Variants in PLCL1 observed in about 807,000 individuals in gnomAD.
The protein encoded by PLCL1 is phospholipase C like 1 (inactive).
Under a neutral mutation model 84.4 loss-of-function variants are expected in PLCL1, and 41 were observed. The observed-to-expected ratio is 0.49, with a 90% confidence interval of 0.38 to 0.63. The LOEUF (loss-of-function observed/expected upper bound fraction) is 0.63, where lower values mean the gene tolerates loss of function less well. Ranked by LOEUF, PLCL1 falls within the 30% of genes least tolerant of loss-of-function variation. The pLI is 0.00. For missense variants in PLCL1, 1,206 were observed against 1,367.8 expected (o/e 0.88, Z 1.87); for synonymous variants, 490 against 488.3 (o/e 1.00, Z -0.05).
intron 1 of PLCL1, among the ~76,000 whole-genome samples, chr2:197,948,509 A>ATT (rs976906121): frequency 6.8e-6 from 1 of 146,522 alleles, no homozygotes; most frequent in East Asian, 2.0e-4. Context: ...GTGTGGCTTA[A>ATT]TTTTTTTTTT....
chr2:197,881,746 T>G lies in PLCL1; in HGVS notation c.240+76407T>G, dbSNP rs147912103. Among the ~76,000 whole-genome samples the G allele has an allele frequency of 3.6e-3, 543 of 152,220 alleles. 4 individuals are homozygous for G. The highest frequency in any genetic ancestry group is 0.012 in the African/African-American group (486 of 41,530). On this transcript the variant is annotated intron_variant, in intron 1 of 5. Transcript: ENST00000428675. ...CTTTTTGGTGTGTGTTTTAAAAAACTTTTTATTATAGATAACTTTGACCAC... is the reference window on the plus strand; with the variant it reads ...CTTTTTGGTGTGTGTTTTAAAAAACGTTTTATTATAGATAACTTTGACCAC...
rs187406100 is a variant in PLCL1 at position 197,975,835 on chromosome 2, A to G, written c.241-107923A>G. Among the ~76,000 whole-genome samples, 9 of 152,022 alleles carry G rather than the reference A, an allele frequency of 5.9e-5. No homozygotes were observed. The East Asian group carries it at 1.6e-3, about 26-fold the overall frequency. The stretch of plus-strand genomic sequence containing the variant: ...TTCACCCCCATCCAACAACAACAAC[A>G]ACGACAACAGAAAAAACAGAAAAAA... On this transcript the variant is annotated intron_variant, in intron 1 of 5. Coordinates refer to ENST00000428675, the MANE Select transcript of PLCL1 (RefSeq NM_006226.4).
intron 3 of PLCL1, among the ~76,000 whole-genome samples, chr2:198,096,362 A>C (rs889379722): frequency 3.9e-5 from 6 of 152,182 alleles, no homozygotes; most frequent in Non-Finnish European, 8.8e-5. Context: ...TGAAAGAAAA[A>C]TATTATCTGA....
At chr2:198,052,865 C>G (rs1397039171) in intron 1 of PLCL1, among the ~76,000 whole-genome samples, 1 of 152,170 alleles carries the variant, frequency 6.6e-6, no homozygotes, top group Admixed American at 6.5e-5. Context: ...GTACCTCCCC[C>G]TTCATTCCTA....
At chr2:197,938,355 A>T (rs1200996918) in intron 1 of PLCL1, among the ~76,000 whole-genome samples, 1 of 152,204 alleles carries the variant, frequency 6.6e-6, no homozygotes, top group Non-Finnish European at 1.5e-5. Flanking sequence ...TGTATCTTCC[A>T]TAAGAGTTTC....
intron 1 of PLCL1, among the ~76,000 whole-genome samples, chr2:197,927,772 T>C (rs1158348975): frequency 6.6e-6 from 1 of 152,168 alleles, no homozygotes; most frequent in African/African-American, 2.4e-5. Context: ...GATACTAAGA[T>C]GAAATAATTT....
intron 1 of PLCL1, among the ~76,000 whole-genome samples, chr2:198,041,905 T>C (rs912916209): frequency 1.3e-5 from 2 of 152,176 alleles, no homozygotes; most frequent in African/African-American, 4.8e-5. Context: ...AAAATCGGTA[T>C]GCAAGAGAAA....
At position 198,140,244 on chromosome 2, in the gene PLCL1, C is replaced by T. The variant is rs17672571; in HGVS notation, c.3106-6536C>T. Among the ~76,000 whole-genome samples the T allele has an allele frequency of 1.3e-3, 200 of 152,206 alleles. 1 individual carries two copies. The highest frequency in any genetic ancestry group is 6.8e-3 in the Middle Eastern group (2 of 294). ...AGATGTTTTCCACCAGTAACAGGAC[C>T]TATTGTCAGCATTGTTGCCACTGGA... On this transcript the variant is annotated intron_variant, in intron 5 of 5. Coordinates refer to ENST00000428675, the MANE Select transcript of PLCL1 (RefSeq NM_006226.4).
rs187267351 is a variant in PLCL1 at position 198,080,317 on chromosome 2, T to A, written c.241-3441T>A. ...CATTCAATCATCATCATCATAATTA[T>A]GTTTTGTATTTACCAAGAAGGAAAA... On this transcript the variant is annotated intron_variant, in intron 1 of 5. Transcript: ENST00000428675. Among the ~76,000 whole-genome samples, 11 of 152,354 alleles carry A rather than the reference T, an allele frequency of 7.2e-5. No homozygotes were observed. The East Asian group carries it at 1.2e-3, about 16-fold the overall frequency.
Position 197,805,496 on chromosome 2 carries a change from A to T in PLCL1, c.240+157A>T, listed in dbSNP as rs1166728155. 1.3e-5 allele frequency among the ~76,000 whole-genome samples: 2 copies of T among 152,182 alleles called. No individual in the cohort carries two copies. The highest frequency in any genetic ancestry group is 2.9e-5 in the Non-Finnish European group (2 of 68,018). On this transcript the variant is annotated intron_variant, in intron 1 of 5. Transcript: ENST00000428675. The surrounding 1 kb of genome is among the most constrained non-coding windows in gnomAD (Gnocchi z 4.0). ...CTTCCTTCCTTATCCGGAGGTTCCCAGACTCAGCTGTCAGCCACGAGACGC... is the reference window on the plus strand; with the variant it reads ...CTTCCTTCCTTATCCGGAGGTTCCCTGACTCAGCTGTCAGCCACGAGACGC...
intron 1 of PLCL1, among the ~76,000 whole-genome samples, chr2:198,028,873 C>T (rs1282984176): frequency 3.9e-5 from 6 of 152,084 alleles, no homozygotes; most frequent in Non-Finnish European, 8.8e-5. Context: ...CCCCCACTTT[C>T]TGTTTTTTAC....
intron 1 of PLCL1, among the ~76,000 whole-genome samples, chr2:198,016,150 T>G (rs955030139): frequency 3.9e-5 from 6 of 152,122 alleles, no homozygotes; most frequent in Non-Finnish European, 7.4e-5. Flanking sequence ...GAGGGACAGA[T>G]GAATGGATCT....
intron 1 of PLCL1, among the ~76,000 whole-genome samples, chr2:197,991,125 G>A (rs936545456): frequency 1.6e-4 from 24 of 152,040 alleles, no homozygotes; most frequent in Non-Finnish European, 3.2e-4. Context: ...TGGTGAAGTC[G>A]GGCATCATCC....
intron 1 of PLCL1, among the ~76,000 whole-genome samples, chr2:198,043,057 T>A (rs1290450312): frequency 6.6e-6 from 1 of 152,056 alleles, no homozygotes; most frequent in Non-Finnish European, 1.5e-5. Flanking sequence ...TCTGAGCAGT[T>A]AAGTGGGAAG....
At chr2:197,865,158 A>G (rs771640521) in intron 1 of PLCL1, among the ~76,000 whole-genome samples, 2 of 152,178 alleles carry the variant, frequency 1.3e-5, no homozygotes, top group Non-Finnish European at 2.9e-5. Flanking sequence ...AGTTCAAAAT[A>G]AAATAGGTTT....
intron 5 of PLCL1, among the ~76,000 whole-genome samples, chr2:198,127,045 G>A (rs912920899): frequency 6.6e-6 from 1 of 151,432 alleles, no homozygotes; most frequent in African/African-American, 2.4e-5. Context: ...CTTTTACACT[G>A]ACAGTTGAAA....
intron 1 of PLCL1, among the ~76,000 whole-genome samples, chr2:197,906,914 G>A (rs1688394132): frequency 6.6e-6 from 1 of 152,110 alleles, no homozygotes; most frequent in African/African-American, 2.4e-5. Flanking sequence ...CATTTATTTT[G>A]TATCCTGAGA....
At chr2:197,909,748 C>T (rs1039677561) in intron 1 of PLCL1, among the ~76,000 whole-genome samples, 3 of 152,152 alleles carry the variant, frequency 2.0e-5, no homozygotes, top group Non-Finnish European at 4.4e-5. Flanking sequence ...TAGCAGTCGG[C>T]TTATAAAGTT....
chr2:197,993,305 T>C (rs1690381848), intron 1 of PLCL1, among the ~76,000 whole-genome samples: 1 of 152,186 alleles, frequency 6.6e-6, no homozygotes, highest in African/African-American at 2.4e-5. Context: ...TTTGTATATC[T>C]TCTTTGGAGA....
Sources: allele counts gnomAD v4.1 joint callset (sites outside exome capture counted in the v4.1 genomes callset), GRCh38; gene constraint gnomAD v4.1.1; non-coding constraint Gnocchi (gnomAD v3.1); transcripts MANE v1.5; gene names NCBI Gene and HGNC (gene_info 2026-07-23, HGNC 2026-07-21).